The following ADGRL3 variants were observed in gnomAD, a reference collection of about 807,000 sequenced individuals.
The protein encoded by ADGRL3 is calcium-independent alpha-latrotoxin receptor 3.
ADGRL3 carries 62 observed loss-of-function variants against 153.5 expected under a neutral mutation model. The observed-to-expected ratio is 0.40, with a 90% CI of 0.33 to 0.50. The LOEUF (loss-of-function observed/expected upper bound fraction) is 0.50, where lower values mean the gene tolerates loss of function less well. ADGRL3 is among the 20% of genes least tolerant of loss of function. The probability of loss-of-function intolerance (pLI) is 0.47; values close to 1 mark genes in which losing one functional copy is unlikely to be tolerated. For synonymous variants in ADGRL3, 710 were observed against 672.5 expected (o/e 1.06, Z -0.86); for missense variants, 1,641 against 1,859.4 (o/e 0.88, Z 2.16).
chr4:61,278,383 T>C (rs999848752), intron 1 of ADGRL3, among the ~76,000 whole-genome samples: 6 of 152,252 alleles, frequency 3.9e-5, no homozygotes, highest in African/African-American at 1.4e-4. Context: ...TTTTAGCTTT[T>C]AGAAAACGAC....
At chr4:61,712,908 C>T (rs1002410511) in intron 6 of ADGRL3, among the ~76,000 whole-genome samples, 9 of 151,984 alleles carry the variant, frequency 5.9e-5, no homozygotes, top group African/African-American at 2.2e-4. Context: ...TAAAATTGTC[C>T]CTGTTGACAA....
intron 17 of ADGRL3, among the ~76,000 whole-genome samples, chr4:61,962,447 A>T (rs928368658): frequency 1.3e-5 from 2 of 152,156 alleles, no homozygotes; most frequent in Admixed American, 6.5e-5. Flanking sequence ...CCAACCAAGG[A>T]TCATACGTTG....
chr4:61,653,794 A>T (rs1280527333), intron 5 of ADGRL3, among the ~76,000 whole-genome samples: 1 of 152,176 alleles, frequency 6.6e-6, no homozygotes, highest in Non-Finnish European at 1.5e-5. Context: ...TTGCATGCCT[A>T]TTCCTAAACC....
chr4:61,934,133 T>G (rs559613102), intron 13 of ADGRL3, among the ~76,000 whole-genome samples: 1 of 152,296 alleles, frequency 6.6e-6, no homozygotes, highest in African/African-American at 2.4e-5. Flanking sequence ...GTGCTTTGTA[T>G]CTATGTGTGG....
intron 5 of ADGRL3, among the ~76,000 whole-genome samples, chr4:61,590,876 T>C (rs542432789): frequency 6.6e-6 from 1 of 152,262 alleles, no homozygotes; most frequent in Non-Finnish European, 1.5e-5. Context: ...AGGGCATAGC[T>C]TTTTTCTAGT....
chr4:61,372,909 G>C (rs564255685), intron 1 of ADGRL3, among the ~76,000 whole-genome samples: 3 of 152,350 alleles, frequency 2.0e-5, no homozygotes, highest in Non-Finnish European at 2.9e-5. Context: ...CTCCGAGCCA[G>C]GTGCGGGATA....
At chr4:61,593,645 C>T (rs1013854010) in intron 5 of ADGRL3, among the ~76,000 whole-genome samples, 1 of 152,062 alleles carries the variant, frequency 6.6e-6, no homozygotes, top group Non-Finnish European at 1.5e-5. Context: ...CCACTGAAAA[C>T]TGTTGTCAGA....
intron 2 of ADGRL3, among the ~76,000 whole-genome samples, chr4:61,411,336 G>A (rs1055864030): frequency 2.0e-5 from 3 of 152,060 alleles, no homozygotes; most frequent in Non-Finnish European, 4.4e-5. Context: ...CTCAATTTGA[G>A]CTTTTCAGAT....
intron 22 of ADGRL3, 41 bp downstream of exon 22, chr4:62,028,922 T>C (rs1466586377): frequency 6.4e-7 from 1 of 1,562,198 alleles, no homozygotes. Flanking sequence ...CGTTTATCAG[T>C]GTGGTCCCAT....
At chr4:61,784,909 T>A (rs979926362) in intron 8 of ADGRL3, among the ~76,000 whole-genome samples, 3 of 152,190 alleles carry the variant, frequency 2.0e-5, no homozygotes, top group African/African-American at 7.2e-5. Context: ...TTACTGAGCC[T>A]TTCTCAGCCT....
chr4:61,363,053 C>T (rs1288544306), intron 1 of ADGRL3, among the ~76,000 whole-genome samples: 1 of 152,154 alleles, frequency 6.6e-6, no homozygotes, highest in Admixed American at 6.5e-5. Context: ...GGTTTAAAAT[C>T]TGTGTTATTG....
At chr4:61,418,307 C>A (rs766821128) in intron 2 of ADGRL3, among the ~76,000 whole-genome samples, 2 of 152,142 alleles carry the variant, frequency 1.3e-5, no homozygotes, top group African/African-American at 4.8e-5. Context: ...AATTGGAGTT[C>A]TGTTAAGGGA....
At position 61,497,515 on chromosome 4, in the gene ADGRL3, C is replaced by CT. The variant is rs5858707; in HGVS notation, c.55+185dup. ...CATAATGTGTATTTCCTTTTCTTTT[C>CT]TTTTTTTTTTTTTTTTTTCAGTCAG... On this transcript the variant is annotated intron_variant, in intron 3 of 26. Transcript: ENST00000683033. Among the ~76,000 whole-genome samples the CT allele has an allele frequency of 5.5e-3, 528 of 95,316 alleles. 9 individuals are homozygous for CT. The highest frequency in any genetic ancestry group is 0.018 in the African/African-American group (502 of 28,144). 62.5% of individuals were successfully genotyped at this position (95,316 alleles called of 152,430 possible). A position where few individuals can be genotyped will look rare whatever the true frequency, so the allele number is the denominator to read the frequency against.
chr4:61,719,900 C>T (rs2096204886), intron 6 of ADGRL3, among the ~76,000 whole-genome samples: 1 of 151,830 alleles, frequency 6.6e-6, no homozygotes, highest in South Asian at 2.1e-4. Context: ...ACCGCTCCCG[C>T]CCCCTGTCAG....
chr4:61,413,263 A>T (rs1036731191), intron 2 of ADGRL3, among the ~76,000 whole-genome samples: 1 of 152,020 alleles, frequency 6.6e-6, no homozygotes, highest in Admixed American at 6.6e-5. Flanking sequence ...ACCCTGTGTG[A>T]CCTCCACTGA....
intron 6 of ADGRL3, among the ~76,000 whole-genome samples, chr4:61,683,314 G>A (rs1358763621): frequency 6.6e-6 from 1 of 152,004 alleles, no homozygotes; most frequent in Non-Finnish European, 1.5e-5. Flanking sequence ...CATTTTGCTT[G>A]TTGTTGTGGT....
chr4:61,696,764 C>T (rs1580330200), intron 6 of ADGRL3, among the ~76,000 whole-genome samples: 2 of 146,778 alleles, frequency 1.4e-5, no homozygotes, highest in East Asian at 2.2e-4. Context: ...CAACCTCTAC[C>T]TCCCGGGTTC....
intron 1 of ADGRL3, among the ~76,000 whole-genome samples, chr4:61,238,861 C>T (rs150460484): frequency 3.3e-5 from 5 of 151,810 alleles, no homozygotes; most frequent in African/African-American, 1.2e-4. Context: ...TGTATATGGC[C>T]TACATTAAAA....
intron 4 of ADGRL3, among the ~76,000 whole-genome samples, chr4:61,555,245 A>G (rs577924919): frequency 1.4e-4 from 21 of 152,284 alleles, no homozygotes; most frequent in Middle Eastern, 3.4e-3. Flanking sequence ...GGGATGGCAT[A>G]TTTTGATCCC....
Sources: allele counts gnomAD v4.1 joint callset (sites outside exome capture counted in the v4.1 genomes callset), GRCh38; gene constraint gnomAD v4.1.1; transcripts MANE v1.5; gene names NCBI Gene and HGNC (gene_info 2026-07-23, HGNC 2026-07-21).